The following EBF2 variants were observed in gnomAD, a reference collection of about 807,000 sequenced individuals.
The protein encoded by EBF2 is EBF transcription factor 2.
EBF2 carries 21 observed loss-of-function variants against 72.8 expected under a neutral mutation model. That is an observed-to-expected ratio of 0.29 (90% CI 0.20 to 0.42). EBF2 has a LOEUF of 0.42. EBF2 is among the 10% of genes least tolerant of loss of function. EBF2 has a pLI of 1.00. For synonymous variants in EBF2, 299 were observed against 274.2 expected (o/e 1.09, Z -0.89); for missense variants, 637 against 731.2 (o/e 0.87, Z 1.49).
intron 6 of EBF2, among the ~76,000 whole-genome samples, chr8:25,966,127 C>T (rs1804111146): frequency 6.6e-6 from 1 of 152,230 alleles, no homozygotes; most frequent in Admixed American, 6.5e-5. Context: ...GGCTCCTTCT[C>T]AAAGGGCAAG....
At position 25,872,361 on chromosome 8, in the gene EBF2, C is replaced by T. The variant is rs189814713; in HGVS notation, c.1010-9564G>A. On this transcript the variant is annotated intron_variant, in intron 10 of 15. Transcript: ENST00000520164. Reference sequence around the variant, plus strand: ...TTGGCTGCCACTCTGGGGATGTTGGCGGATCACACTGCTGGCCTCGGTTGC... The same window carrying T: ...TTGGCTGCCACTCTGGGGATGTTGGTGGATCACACTGCTGGCCTCGGTTGC... 8.5e-5 allele frequency among the ~76,000 whole-genome samples: 13 copies of T among 152,256 alleles called. No individual in the cohort carries two copies. The East Asian group carries it at 2.5e-3, about 29-fold the overall frequency.
intron 7 of EBF2, among the ~76,000 whole-genome samples, chr8:25,895,436 T>C (rs560636268): frequency 6.6e-6 from 1 of 152,334 alleles, no homozygotes; most frequent in African/African-American, 2.4e-5. Context: ...GGTGGTAGGT[T>C]CCATTTTAAA....
At position 25,858,308 on chromosome 8, in the gene EBF2, A is replaced by C; in HGVS notation, c.1528+11T>G. The C allele has an allele frequency of 1.9e-6, 3 of 1,613,914 alleles. No homozygotes were observed. The highest frequency in any genetic ancestry group is 1.7e-6 in the Non-Finnish European group (2 of 1,179,838). Reference sequence around the variant, plus strand: ...AAGCATGGAGAGCCAAGTGATGGAGAGGTCACTTACTTCCATAAGGAGAGC... The same window carrying C: ...AAGCATGGAGAGCCAAGTGATGGAGCGGTCACTTACTTCCATAAGGAGAGC... On this transcript the variant is annotated intron_variant, in intron 14 of 15. Transcript: ENST00000520164.
At chr8:25,879,756 G>T (rs1802577858) in intron 10 of EBF2, among the ~76,000 whole-genome samples, 1 of 152,066 alleles carries the variant, frequency 6.6e-6, no homozygotes, top group Non-Finnish European at 1.5e-5. Context: ...CTCTTTCATG[G>T]CGATCTCATC....
chr8:25,869,099 C>G (rs1224583552), intron 10 of EBF2, among the ~76,000 whole-genome samples: 1 of 152,168 alleles, frequency 6.6e-6, no homozygotes, highest in Non-Finnish European at 1.5e-5. Flanking sequence ...CCTGCAATAG[C>G]ACAACTTTTC....
chr8:26,026,774 C>T (rs962403215), intron 6 of EBF2, among the ~76,000 whole-genome samples: 3 of 152,178 alleles, frequency 2.0e-5, no homozygotes, highest in Admixed American at 6.5e-5. Flanking sequence ...TGCAGTTTTT[C>T]TTCCTATTAC....
At chr8:25,928,793 A>AAC (rs1055889668) in intron 6 of EBF2, among the ~76,000 whole-genome samples, 2 of 150,918 alleles carry the variant, frequency 1.3e-5, no homozygotes, top group Non-Finnish European at 3.0e-5. Context: ...AAAAAAAAAA[A>AAC]AAAAAAAACC....
intron 11 of EBF2, among the ~76,000 whole-genome samples, chr8:25,861,715 G>A (rs1269433381): frequency 6.6e-6 from 1 of 152,114 alleles, no homozygotes; most frequent in African/African-American, 2.4e-5. Context: ...TTAAAAATCT[G>A]GTTCTCTAAT....
chr8:25,875,013 G>C (rs1434254055), intron 10 of EBF2, among the ~76,000 whole-genome samples: 2 of 151,970 alleles, frequency 1.3e-5, no homozygotes, highest in Non-Finnish European at 2.9e-5. Flanking sequence ...GCTTCCTTGT[G>C]ACCCCCTGTC....
intron 6 of EBF2, among the ~76,000 whole-genome samples, chr8:25,991,273 G>C (rs1240595566): frequency 6.6e-6 from 1 of 152,200 alleles, no homozygotes; most frequent in African/African-American, 2.4e-5. Flanking sequence ...CACGTAGGTG[G>C]GGGTTCATTT....
intron 10 of EBF2, among the ~76,000 whole-genome samples, chr8:25,874,031 G>A (rs1362743681): frequency 6.6e-6 from 1 of 152,144 alleles, no homozygotes; most frequent in African/African-American, 2.4e-5. Flanking sequence ...CTACCAGGGG[G>A]GCTATTGACT....
chr8:25,864,742 A>G (rs1162570833), intron 10 of EBF2, among the ~76,000 whole-genome samples: 1 of 151,864 alleles, frequency 6.6e-6, no homozygotes, highest in Non-Finnish European at 1.5e-5. Flanking sequence ...TTAATATTTG[A>G]TAGGGTAAGT....
intron 6 of EBF2, among the ~76,000 whole-genome samples, chr8:25,929,156 A>T (rs1386003010): frequency 2.6e-5 from 4 of 152,204 alleles, no homozygotes; most frequent in Non-Finnish European, 4.4e-5. Flanking sequence ...ATGTTGATTC[A>T]TTTAAATACT....
intron 10 of EBF2, among the ~76,000 whole-genome samples, chr8:25,871,695 A>G (rs1802442035): frequency 1.3e-5 from 2 of 152,168 alleles, no homozygotes; most frequent in South Asian, 4.1e-4. Context: ...GAGTTTAATA[A>G]TACACATTTC....
intron 6 of EBF2, among the ~76,000 whole-genome samples, chr8:26,011,425 C>T (rs1011438596): frequency 6.7e-6 from 1 of 149,708 alleles, no homozygotes; most frequent in Non-Finnish European, 1.5e-5. Flanking sequence ...GCTGTCCTCA[C>T]CTATTGGATT....
intron 6 of EBF2, among the ~76,000 whole-genome samples, chr8:25,923,824 T>C (rs1438884985): frequency 6.6e-6 from 1 of 152,216 alleles, no homozygotes; most frequent in Non-Finnish European, 1.5e-5. Flanking sequence ...AAGCCTTTTT[T>C]AGTAGGCAAA....
intron 6 of EBF2, among the ~76,000 whole-genome samples, chr8:26,001,338 G>A (rs940307470): frequency 6.6e-6 from 1 of 152,100 alleles, no homozygotes; most frequent in Non-Finnish European, 1.5e-5. Context: ...AAGAAAGAGA[G>A]GTTGATGGAA....
In EBF2 at chr8:25,884,375, G is replaced by A. The variant is rs146544679; in HGVS notation, c.1009+2380C>T. 1.1e-4 allele frequency among the ~76,000 whole-genome samples: 16 copies of A among 152,234 alleles called. 1 individual carries two copies. The East Asian group carries it at 3.1e-3, about 30-fold the overall frequency. On this transcript the variant is annotated intron_variant, in intron 10 of 15. Transcript: ENST00000520164. ...TGGAGGAGGGAATGTGGATGGAGAG[G>A]AGAGGAGGATGGAGAAAGAAGGAGA...
intron 6 of EBF2, among the ~76,000 whole-genome samples, chr8:25,950,581 G>A (rs762783507): frequency 5.3e-5 from 8 of 152,212 alleles, no homozygotes; most frequent in Non-Finnish European, 1.0e-4. Flanking sequence ...CTGCACCTAA[G>A]TGTGGTTGCA....
Sources: gnomAD v4.1 joint callset for allele counts (sites outside exome capture counted in the v4.1 genomes callset) on GRCh38, gnomAD v4.1.1 for gene constraint, MANE v1.5 for transcripts, NCBI Gene and HGNC (gene_info 2026-07-23, HGNC 2026-07-21) for gene names.